The following DIAPH2 variants were observed in gnomAD, a reference collection of about 807,000 sequenced individuals.
DIAPH2 encodes protein diaphanous homolog 2.
DIAPH2 carries 35 observed loss-of-function variants against 92.7 expected under a neutral mutation model. The ratio of observed to expected loss-of-function variants is 0.38; its 90% CI spans 0.29 to 0.50. DIAPH2 has a LOEUF of 0.50. Among genes scored for constraint, DIAPH2 ranks in the 20% least tolerant of loss-of-function variants. DIAPH2 has a pLI of 0.94. For synonymous variants in DIAPH2, 301 were observed against 280.4 expected (o/e 1.07, Z -0.73); for missense variants, 701 against 819.5 (o/e 0.86, Z 1.77).
intron 26 of DIAPH2, chrX:97,431,476 C>G (rs1333275715): frequency 8.9e-6 from 1 of 112,151 alleles, no homozygotes; most frequent in Non-Finnish European, 1.9e-5. Flanking sequence ...AGAGATCATT[C>G]CATGGGGTTT....
At chrX:97,297,563 A>G (rs2068655137) in intron 23 of DIAPH2, among the ~76,000 whole-genome samples, 1 of 106,905 alleles carries the variant, frequency 9.4e-6, no homozygotes, top group Non-Finnish European at 1.9e-5. Flanking sequence ...CAATTCCCCA[A>G]ACGCCTCTGC....
intron 22 of DIAPH2, among the ~76,000 whole-genome samples, chrX:97,196,501 A>G (rs1455366494): frequency 8.9e-6 from 1 of 111,785 alleles, no homozygotes; most frequent in African/African-American, 3.3e-5. Context: ...TTTGTCATCA[A>G]ATGTTAGTAA....
intron 4 of DIAPH2, among the ~76,000 whole-genome samples, chrX:96,779,937 ACC>A (rs1366269152): frequency 3.6e-5 from 4 of 111,959 alleles, no homozygotes; most frequent in Non-Finnish European, 7.5e-5. Flanking sequence ...CAAAAATAGC[ACC>A]CATGTTCAAA....
At chrX:97,365,290 T>A (rs1466640542) in intron 24 of DIAPH2, among the ~76,000 whole-genome samples, 3 of 111,905 alleles carry the variant, frequency 2.7e-5, no homozygotes, top group African/African-American at 9.7e-5. Context: ...TCCCATGGAC[T>A]ACTGCAGTAA....
chrX:96,762,510 G>A (rs1053264216), intron 4 of DIAPH2, among the ~76,000 whole-genome samples: 3 of 110,329 alleles, frequency 2.7e-5, no homozygotes, highest in Non-Finnish European at 3.8e-5. Flanking sequence ...AAACAGTATC[G>A]TACACCTTAA....
intron 25 of DIAPH2, among the ~76,000 whole-genome samples, chrX:97,384,637 C>T (rs1355770039): frequency 4.5e-5 from 5 of 110,744 alleles, no homozygotes; most frequent in African/African-American, 6.6e-5. Flanking sequence ...GAGACCGAGG[C>T]GGGAGGGTCG....
At chrX:96,979,731 C>T (rs748511800) in intron 17 of DIAPH2, among the ~76,000 whole-genome samples, 1 of 112,376 alleles carries the variant, frequency 8.9e-6, no homozygotes, top group East Asian at 2.8e-4. Context: ...GTTATATATA[C>T]TTAGTTTCAT....
At chrX:97,596,208 A>G (rs193101430) in intron 26 of DIAPH2, among the ~76,000 whole-genome samples, 4 of 112,175 alleles carry the variant, frequency 3.6e-5, no homozygotes, top group East Asian at 2.8e-4. Context: ...GTGTTAGTCT[A>G]TGAATTAAGA....
At chrX:97,217,596 G>C (rs972208438) in intron 22 of DIAPH2, among the ~76,000 whole-genome samples, 1 of 111,587 alleles carries the variant, frequency 9.0e-6, no homozygotes, top group Non-Finnish European at 1.9e-5. Context: ...TTTTATTCTT[G>C]TCCCCAAATA....
chrX:97,134,328 T>C (rs1569309447), intron 21 of DIAPH2, among the ~76,000 whole-genome samples: 1 of 111,816 alleles, frequency 8.9e-6, no homozygotes, highest in Non-Finnish European at 1.9e-5. Flanking sequence ...ATAATTTCTC[T>C]CTTATTTTAA....
At chrX:97,278,949 G>A (rs1239902646) in intron 23 of DIAPH2, among the ~76,000 whole-genome samples, 2 of 112,439 alleles carry the variant, frequency 1.8e-5, no homozygotes, top group Non-Finnish European at 3.7e-5. Context: ...TAACAAAGCA[G>A]TTCACCTCTC....
chrX:96,794,654 C>A (rs1202594337), intron 4 of DIAPH2, among the ~76,000 whole-genome samples: 12 of 111,475 alleles, frequency 1.1e-4, no homozygotes, highest in Non-Finnish European at 1.9e-5. Context: ...TGTGATATAA[C>A]AAATCTCATT....
intron 23 of DIAPH2, among the ~76,000 whole-genome samples, chrX:97,286,622 C>T (rs1451264783): frequency 9.0e-6 from 1 of 111,245 alleles, no homozygotes; most frequent in Non-Finnish European, 1.9e-5. Context: ...TGGCGGAGTA[C>T]GCCTGAACTC....
chrX:97,242,027 G>A (rs769474323), intron 22 of DIAPH2, among the ~76,000 whole-genome samples: 1 of 111,225 alleles, frequency 9.0e-6, no homozygotes, highest in African/African-American at 3.3e-5. Context: ...GCCCGCCTCG[G>A]CCTCCCAAAG....
At chrX:96,867,841 T>C (rs1354481891) in intron 4 of DIAPH2, among the ~76,000 whole-genome samples, 1 of 111,859 alleles carries the variant, frequency 8.9e-6, no homozygotes, top group Non-Finnish European at 1.9e-5. Context: ...TACTATTTGA[T>C]TTCAAATATG....
At chrX:97,130,324 C>A (rs1182053689) in intron 21 of DIAPH2, among the ~76,000 whole-genome samples, 1 of 111,876 alleles carries the variant, frequency 8.9e-6, no homozygotes, top group Non-Finnish European at 1.9e-5. Flanking sequence ...CAGCATTATT[C>A]ATAGTAGCCA....
intron 17 of DIAPH2, among the ~76,000 whole-genome samples, chrX:97,025,059 T>G (rs1222534536): frequency 8.9e-6 from 1 of 112,305 alleles, no homozygotes; most frequent in Non-Finnish European, 1.9e-5. Context: ...ACTTAAGAGT[T>G]ACCTACCCAG....
chrX:97,563,336 T>A (rs1441653257), intron 26 of DIAPH2, among the ~76,000 whole-genome samples: 1 of 112,072 alleles, frequency 8.9e-6, no homozygotes, highest in Non-Finnish European at 1.9e-5. Flanking sequence ...GTTTTATCCC[T>A]TCAGAGGTAT....
intron 4 of DIAPH2, among the ~76,000 whole-genome samples, chrX:96,844,196 T>G (rs1341648034): frequency 8.9e-6 from 1 of 112,794 alleles, no homozygotes; most frequent in Non-Finnish European, 1.9e-5. Flanking sequence ...TCCATTAATT[T>G]CATTAACAAG....
Sources: gnomAD v4.1 joint callset for allele counts (sites outside exome capture counted in the v4.1 genomes callset) on GRCh38, gnomAD v4.1.1 for gene constraint, MANE v1.5 for transcripts, NCBI Gene and HGNC (gene_info 2026-07-23, HGNC 2026-07-21) for gene names.